The following DNAJC5 variants were observed in gnomAD, a reference collection of about 807,000 sequenced individuals.
The protein encoded by DNAJC5 is DnaJ heat shock protein family (Hsp40) member C5.
A neutral mutation model predicts 23.2 loss-of-function variants in DNAJC5; 1 was observed. That is an observed-to-expected ratio of 0.04 (90% confidence interval 0.02 to 0.20). DNAJC5 has a LOEUF of 0.20. Ranked by LOEUF, DNAJC5 falls within the 10% of genes least tolerant of loss-of-function variation. The pLI is 1.00. For synonymous variants in DNAJC5, 136 were observed against 120.0 expected, an observed-to-expected ratio of 1.13 and a Z score of -0.87; for missense variants, 180 against 267.0, an observed-to-expected ratio of 0.67 and a Z score of 2.27.
intron 1 of DNAJC5, among the ~76,000 whole-genome samples, chr20:63,925,963 G>A (rs935915270): frequency 4.6e-5 from 7 of 151,904 alleles, no homozygotes; most frequent in Admixed American, 2.6e-4. Flanking sequence ...GAGTAGCTGG[G>A]ACTACAGGTG....
At chr20:63,911,575 G>A (rs1004811726) in intron 1 of DNAJC5, among the ~76,000 whole-genome samples, 3 of 152,160 alleles carry the variant, frequency 2.0e-5, no homozygotes, top group Non-Finnish European at 4.4e-5. Context: ...TGCTGTTCTC[G>A]TGTTGCGTTA....
chr20:63,901,939 G>A (rs540819405), intron 1 of DNAJC5, among the ~76,000 whole-genome samples: 15 of 152,144 alleles, frequency 9.9e-5, no homozygotes, highest in African/African-American at 3.6e-4. Context: ...ACAGCACTTT[G>A]GTGTTCTTTT....
chr20:63,917,250 A>T (rs2053521083), intron 1 of DNAJC5, among the ~76,000 whole-genome samples: 1 of 152,070 alleles, frequency 6.6e-6, no homozygotes, highest in African/African-American at 2.4e-5. Context: ...TTACTTTTTT[A>T]AAATTAGCTT....
rs1206952926 is a variant in DNAJC5 at position 63,899,880 on chromosome 20, CTT to C, written c.-12+4576_-12+4577del. On this transcript the variant is annotated intron_variant, in intron 1 of 4. Transcript: ENST00000360864. ...GCAGGTGTGAGCCACTGCGCCTGGG[CTT>C]TTTTTTTTTTTTTTTTTTGGTTGGG... Among the ~76,000 whole-genome samples the C allele has an allele frequency of 4.6e-4, 53 of 114,754 alleles. 1 individual carries two copies. The highest frequency in any genetic ancestry group is 8.4e-4 in the African/African-American group (26 of 30,880). 75.3% of individuals were successfully genotyped at this position (114,754 alleles called of 152,430 possible).
At chr20:63,913,514 A>G (rs542358204) in intron 1 of DNAJC5, among the ~76,000 whole-genome samples, 8 of 151,440 alleles carry the variant, frequency 5.3e-5, no homozygotes, top group African/African-American at 1.9e-4. Flanking sequence ...CTCCCGCCTC[A>G]GTCTTCTGAG....
rs1002385594 is a variant in DNAJC5, at chr20:63,934,487, T to G, written c.*2919T>G. 1 of 152,262 alleles carries G rather than the reference T, an allele frequency of 6.6e-6. No homozygotes were observed. Among genetic ancestry groups the G allele is most frequent in the African/African-American group, 2.4e-5 (1 of 41,460 alleles). The allele number at this position is 152,262 out of a possible 1,614,324, so 9.4% of individuals were successfully genotyped here. ...GGGTCGTGCTTTGAGGCCCGTCCGG[T>G]TCACGAGGGGGTCCGGGCAGCACTG... On this transcript the variant is annotated 3_prime_UTR_variant, in exon 5 of 5. Transcript: ENST00000360864.
At chr20:63,900,651 C>G (rs1006300583) in intron 1 of DNAJC5, among the ~76,000 whole-genome samples, 1 of 150,720 alleles carries the variant, frequency 6.6e-6, no homozygotes, top group Non-Finnish European at 1.5e-5. Context: ...CCTGCATATG[C>G]CACAATTTAA....
At chr20:63,911,378 C>T (rs575603834) in intron 1 of DNAJC5, among the ~76,000 whole-genome samples, 2 of 152,264 alleles carry the variant, frequency 1.3e-5, no homozygotes, top group South Asian at 2.1e-4. Flanking sequence ...CGAGGGCAGG[C>T]GTTCGTTTTC....
rs1247826216 is a variant in DNAJC5, at chr20:63,929,813, T to G, written c.321+288T>G. Among the ~76,000 whole-genome samples, 1 of 152,210 alleles carries G rather than the reference T, an allele frequency of 6.6e-6. No homozygotes were observed. Among genetic ancestry groups the G allele is most frequent in the East Asian group, 1.9e-4 (1 of 5,176 alleles). On this transcript the variant is annotated intron_variant, in intron 3 of 4. Transcript: ENST00000360864. This position sits in a 1 kb window ranked among gnomAD's most constrained non-coding sequence, Gnocchi z 8.6. ...TTCCCAGCATTGCAGAGCCCATGCG[T>G]TGATGCCAGCAACTCTACACTCCTG...
intron 1 of DNAJC5, among the ~76,000 whole-genome samples, chr20:63,925,231 A>C (rs926225303): frequency 6.6e-6 from 1 of 152,198 alleles, no homozygotes; most frequent in Non-Finnish European, 1.5e-5. Context: ...CACGCCTGTA[A>C]TCCCAGCACT....
rs1175404502 is a variant in DNAJC5 at position 63,933,035 on chromosome 20, C to T, written c.*1467C>T. ...AGCTCATGGGATGTGCTGGGCCTGCCTTTGGCGCCATGCTGCAGACTCCAG... is the reference window on the plus strand; with the variant it reads ...AGCTCATGGGATGTGCTGGGCCTGCTTTTGGCGCCATGCTGCAGACTCCAG... On this transcript the variant is annotated 3_prime_UTR_variant, in exon 5 of 5. Coordinates refer to ENST00000360864, the MANE Select transcript of DNAJC5 (RefSeq NM_025219.3). The T allele has an allele frequency of 6.6e-6, 1 of 152,436 alleles. No individual in the cohort carries two copies. The highest frequency in any genetic ancestry group is 2.4e-5 in the African/African-American group (1 of 41,454). The allele number at this position is 152,436 out of a possible 1,614,324, so 9.4% of individuals were successfully genotyped here.
intron 1 of DNAJC5, among the ~76,000 whole-genome samples, chr20:63,913,361 A>G (rs4809382): frequency 0.055 from 8,290 of 150,150 alleles, 444 homozygotes; most frequent in East Asian, 0.23. Flanking sequence ...CCCTTGCCCC[A>G]GGGTCCAGGG....
At position 63,928,296 on chromosome 20, in the gene DNAJC5, C is replaced by T. The variant is rs759341176; in HGVS notation, c.-11-39C>T. The T allele has an allele frequency of 6.5e-7, 1 of 1,537,520 alleles. No homozygotes were observed. The highest frequency in any genetic ancestry group is 9.0e-7 in the Non-Finnish European group (1 of 1,114,740). ...TCAGCTCTGCCCTTGGTACTTTCAT[C>T]TATACTTTGTGATACTTTCTTTTTA... On this transcript the variant is annotated intron_variant, in intron 1 of 4. Transcript: ENST00000360864. The surrounding 1 kb of genome is among the most constrained non-coding windows in gnomAD (Gnocchi z 4.6).
At chr20:63,914,354 GCC>G (rs1360687320) in intron 1 of DNAJC5, among the ~76,000 whole-genome samples, 1 of 152,188 alleles carries the variant, frequency 6.6e-6, no homozygotes, top group Non-Finnish European at 1.5e-5. Context: ...TTGCTCTGTT[GCC>G]CAGGCTGGAG....
chr20:63,916,111 C>A (rs2053514042), intron 1 of DNAJC5, among the ~76,000 whole-genome samples: 1 of 152,024 alleles, frequency 6.6e-6, no homozygotes, highest in Non-Finnish European at 1.5e-5. Context: ...TTATGCCTGG[C>A]TAATTTTTGT....
At chr20:63,925,833 T>G (rs1454844533) in intron 1 of DNAJC5, among the ~76,000 whole-genome samples, 7 of 149,926 alleles carry the variant, frequency 4.7e-5, no homozygotes, top group Admixed American at 1.3e-4. Flanking sequence ...TGGTTTTTTT[T>G]TTTTTTTTTT....
rs1470582237 is a variant in DNAJC5 at position 63,931,720 on chromosome 20, C to A, written c.*152C>A. 3 of 742,084 alleles carry A rather than the reference C, an allele frequency of 4.0e-6. No homozygotes were observed. Among genetic ancestry groups the A allele is most frequent in the Non-Finnish European group, 7.1e-6 (3 of 425,350 alleles). 46.0% of individuals were successfully genotyped at this position (742,084 alleles called of 1,614,324 possible). A position where few individuals can be genotyped will look rare whatever the true frequency, so the allele number is the denominator to read the frequency against. ...TGCCTCCACGCCCACCCAGCGTCGACCCTTGACCCACGAAGTGCGTAGCAT... is the reference window on the plus strand; with the variant it reads ...TGCCTCCACGCCCACCCAGCGTCGAACCTTGACCCACGAAGTGCGTAGCAT... On this transcript the variant is annotated 3_prime_UTR_variant, in exon 5 of 5. Coordinates refer to ENST00000360864, the MANE Select transcript of DNAJC5 (RefSeq NM_025219.3). The surrounding 1 kb of genome is among the most constrained non-coding windows in gnomAD (Gnocchi z 9.6).
chr20:63,924,961 A>G (rs1460854604), intron 1 of DNAJC5, among the ~76,000 whole-genome samples: 5 of 152,232 alleles, frequency 3.3e-5, no homozygotes, highest in Non-Finnish European at 7.3e-5. Context: ...TCAAGGATAC[A>G]CTGGACATTG....
intron 1 of DNAJC5, among the ~76,000 whole-genome samples, chr20:63,901,554 A>G (rs184315304): frequency 1.1e-3 from 174 of 152,356 alleles, no homozygotes; most frequent in African/African-American, 4.0e-3. Flanking sequence ...GCTCCACATC[A>G]GTCTCAGAGT....
Sources: gnomAD v4.1 joint callset for allele counts (sites outside exome capture counted in the v4.1 genomes callset) on GRCh38, gnomAD v4.1.1 for gene constraint, Gnocchi (gnomAD v3.1) non-coding constraint, MANE v1.5 for transcripts, NCBI Gene and HGNC (gene_info 2026-07-23, HGNC 2026-07-21) for gene names.